Variants in NSMCE2 observed in about 807,000 individuals in gnomAD.
NSMCE2 encodes E3 SUMO-protein ligase NSE2.
NSMCE2 carries 24 observed loss-of-function variants against 23.8 expected under a neutral mutation model. The observed-to-expected ratio is 1.01, with a 90% CI of 0.73 to 1.42. The LOEUF is 1.42. NSMCE2 is among the 40% of genes most tolerant of loss of function. The probability of loss-of-function intolerance (pLI) is 0.00; values close to 1 mark genes in which losing one functional copy is unlikely to be tolerated. For missense variants in NSMCE2, 284 were observed against 296.5 expected (o/e 0.96, Z 0.31); for synonymous variants, 92 against 94.1 (o/e 0.98, Z 0.13).
intron 5 of NSMCE2, among the ~76,000 whole-genome samples, chr8:125,300,469 A>G (rs1288047118): frequency 6.6e-6 from 1 of 152,164 alleles, no homozygotes; most frequent in Non-Finnish European, 1.5e-5. Context: ...GGCCCTGGCT[A>G]TGCCATTTAG....
chr8:125,303,495 A>G (rs932923061), intron 5 of NSMCE2, among the ~76,000 whole-genome samples: 1 of 152,142 alleles, frequency 6.6e-6, no homozygotes, highest in African/African-American at 2.4e-5. Context: ...ATTTTTTCCA[A>G]TAAGTATATA....
chr8:125,293,023 C>T (rs1188129608), intron 5 of NSMCE2, among the ~76,000 whole-genome samples: 1 of 152,198 alleles, frequency 6.6e-6, no homozygotes, highest in Non-Finnish European at 1.5e-5. Flanking sequence ...CCCAGGGGGC[C>T]TGGTTTAGGT....
chr8:125,314,237 G>A (rs1829086235), intron 5 of NSMCE2, among the ~76,000 whole-genome samples: 2 of 152,038 alleles, frequency 1.3e-5, no homozygotes, highest in Non-Finnish European at 2.9e-5. Context: ...TGCTTTTTAG[G>A]TTTGCAGTTT....
chr8:125,213,688 T>C (rs2130893815), intron 5 of NSMCE2, among the ~76,000 whole-genome samples: 1 of 69,606 alleles, frequency 1.4e-5, no homozygotes, highest in Non-Finnish European at 2.7e-5. Context: ...TCTCTCTCTT[T>C]CTTTCTCTTT....
chr8:125,097,952 G>A (rs370011425), intron 1 of NSMCE2, among the ~76,000 whole-genome samples: 11 of 152,176 alleles, frequency 7.2e-5, no homozygotes, highest in African/African-American at 2.7e-4. Context: ...GCTTTTTTCT[G>A]TCTTTATTAC....
intron 3 of NSMCE2, among the ~76,000 whole-genome samples, chr8:125,136,399 T>TA (rs919533748): frequency 9.2e-5 from 14 of 152,220 alleles, no homozygotes; most frequent in Admixed American, 8.5e-4. Context: ...GCAGAATAGA[T>TA]AGACATTTGT....
intron 5 of NSMCE2, among the ~76,000 whole-genome samples, chr8:125,202,898 CA>C (rs1272260561): frequency 2.6e-5 from 4 of 151,968 alleles, no homozygotes; most frequent in African/African-American, 4.8e-5. Flanking sequence ...AGGGTGGGAA[CA>C]AAAAAATGTT....
intron 3 of NSMCE2, among the ~76,000 whole-genome samples, chr8:125,133,824 AAG>A (rs1819907468): frequency 6.7e-6 from 1 of 149,920 alleles, no homozygotes; most frequent in African/African-American, 2.5e-5. Context: ...TGAAATCAGA[AAG>A]AGTCTCAGAG....
At chr8:125,280,142 A>G (rs1827633516) in intron 5 of NSMCE2, among the ~76,000 whole-genome samples, 1 of 152,216 alleles carries the variant, frequency 6.6e-6, no homozygotes, top group Non-Finnish European at 1.5e-5. Context: ...CAAATGGAAA[A>G]GATGATTTTT....
At chr8:125,312,902 G>A (rs530168659) in intron 5 of NSMCE2, among the ~76,000 whole-genome samples, 36 of 152,020 alleles carry the variant, frequency 2.4e-4, no homozygotes, top group Non-Finnish European at 3.8e-4. Context: ...GAACCAGCAC[G>A]GGGAGAGCAC....
intron 5 of NSMCE2, among the ~76,000 whole-genome samples, chr8:125,272,946 G>A (rs1409632364): frequency 6.6e-6 from 1 of 151,988 alleles, no homozygotes; most frequent in Non-Finnish European, 1.5e-5. Flanking sequence ...GCTAGGCCAG[G>A]GTTGAAACCC....
intron 7 of NSMCE2, among the ~76,000 whole-genome samples, chr8:125,363,498 C>CA (rs534236357): frequency 2.7e-4 from 33 of 123,754 alleles, no homozygotes; most frequent in Admixed American, 3.9e-4. Context: ...GAGACCCTGT[C>CA]AAAAAAAGAA....
chr8:125,353,091 T>A (rs1443378563), intron 5 of NSMCE2, among the ~76,000 whole-genome samples: 3 of 152,208 alleles, frequency 2.0e-5, no homozygotes, highest in Admixed American at 2.0e-4. Context: ...AGTTGTGCTT[T>A]CTTACTTCCT....
intron 5 of NSMCE2, among the ~76,000 whole-genome samples, chr8:125,350,957 G>A (rs962154221): frequency 6.6e-6 from 1 of 152,230 alleles, no homozygotes; most frequent in Non-Finnish European, 1.5e-5. Context: ...GCAGGCGGCA[G>A]TAGTGGTTTG....
intron 4 of NSMCE2, among the ~76,000 whole-genome samples, chr8:125,170,456 A>T (rs957657569): frequency 8.4e-6 from 1 of 118,684 alleles, no homozygotes; most frequent in South Asian, 3.0e-4. Context: ...GGCAGGCTGG[A>T]GTGCAAATGG....
intron 1 of NSMCE2, among the ~76,000 whole-genome samples, chr8:125,098,270 C>G (rs1039356581): frequency 6.6e-6 from 1 of 152,106 alleles, no homozygotes; most frequent in Non-Finnish European, 1.5e-5. Flanking sequence ...ACATAGAGGA[C>G]TTGTTAAAAC....
chr8:125,319,918 T>C (rs1026068385), intron 5 of NSMCE2, among the ~76,000 whole-genome samples: 1 of 152,034 alleles, frequency 6.6e-6, no homozygotes, highest in Admixed American at 6.6e-5. Flanking sequence ...GGCTCACGCC[T>C]GTAATCTAGC....
At chr8:125,094,300 A>C (rs1301481458) in intron 1 of NSMCE2, among the ~76,000 whole-genome samples, 1 of 152,196 alleles carries the variant, frequency 6.6e-6, no homozygotes, top group Non-Finnish European at 1.5e-5. Context: ...AATTATAATT[A>C]TATCAAAGAA....
chr8:125,284,475 T>TC (rs143518950), intron 5 of NSMCE2, among the ~76,000 whole-genome samples: 9,457 of 152,270 alleles, frequency 0.062, 374 homozygotes, highest in Non-Finnish European at 0.085. Flanking sequence ...AGAGGTTCTA[T>TC]CCTTATCGAG....
Sources: gnomAD v4.1 joint callset for allele counts (sites outside exome capture counted in the v4.1 genomes callset) on GRCh38, gnomAD v4.1.1 for gene constraint, MANE v1.5 for transcripts, NCBI Gene and HGNC (gene_info 2026-07-23, HGNC 2026-07-21) for gene names.